ADAMTS17: variants seen among roughly 807,000 people sequenced by gnomAD.
ADAMTS17 encodes A disintegrin and metalloproteinase with thrombospondin motifs 17.
Under a neutral mutation model 141.5 loss-of-function variants are expected in ADAMTS17, and 113 were observed. That is an observed-to-expected ratio of 0.80 (90% CI 0.69 to 0.93). The LOEUF is 0.93. Ranked by LOEUF, ADAMTS17 falls within the 40% of genes least tolerant of loss-of-function variation. ADAMTS17 has a pLI of 0.00. For missense variants in ADAMTS17, 1,659 were observed against 1,517.9 expected (o/e 1.09, Z -1.54); for synonymous variants, 768 against 630.6 (o/e 1.22, Z -3.27).
At chr15:100,087,984 G>A (rs2035216182) in intron 15 of ADAMTS17, among the ~76,000 whole-genome samples, 1 of 152,140 alleles carries the variant, frequency 6.6e-6, no homozygotes, top group Non-Finnish European at 1.5e-5. Context: ...TGAAGTTCTG[G>A]CCAGGGCAGT....
At chr15:100,008,008 T>TG (rs1165785060) in intron 18 of ADAMTS17, among the ~76,000 whole-genome samples, 1 of 152,080 alleles carries the variant, frequency 6.6e-6, no homozygotes, top group Non-Finnish European at 1.5e-5. Flanking sequence ...GGGAAGGGAC[T>TG]GCACCTGTAG....
chr15:100,239,868 A>G (rs1356443379), intron 7 of ADAMTS17, among the ~76,000 whole-genome samples: 1 of 152,028 alleles, frequency 6.6e-6, no homozygotes, highest in East Asian at 1.9e-4. Flanking sequence ...CCCTCTGGGG[A>G]AAGATGTGCG....
chr15:100,112,739 C>G (rs2036864898), intron 13 of ADAMTS17, among the ~76,000 whole-genome samples: 1 of 152,188 alleles, frequency 6.6e-6, no homozygotes, highest in Non-Finnish European at 1.5e-5. Context: ...GGAATTCTGA[C>G]TGAAGCTGCA....
intron 4 of ADAMTS17, among the ~76,000 whole-genome samples, chr15:100,268,439 T>C (rs1422455170): frequency 6.6e-6 from 1 of 152,238 alleles, no homozygotes; most frequent in African/African-American, 2.4e-5. Context: ...CATTTTTCTC[T>C]GCACCTTGCC....
At chr15:100,205,649 C>A (rs1055927162) in intron 7 of ADAMTS17, among the ~76,000 whole-genome samples, 1 of 152,168 alleles carries the variant, frequency 6.6e-6, no homozygotes, top group Non-Finnish European at 1.5e-5. Flanking sequence ...AGGTTCACCT[C>A]AGGACATCAG....
intron 7 of ADAMTS17, among the ~76,000 whole-genome samples, chr15:100,204,178 C>G (rs2041445840): frequency 6.6e-6 from 1 of 152,230 alleles, no homozygotes; most frequent in South Asian, 2.1e-4. Flanking sequence ...CCACTCGACT[C>G]TCTCTAGACT....
chr15:100,251,268 G>A lies in ADAMTS17; in HGVS notation c.1075+2868C>T, dbSNP rs549980846. 4.9e-4 allele frequency among the ~76,000 whole-genome samples: 74 copies of A among 152,280 alleles called. 1 individual carries two copies. Among genetic ancestry groups the A allele is most frequent in the Admixed American group, 1.3e-4 (2 of 15,300 alleles). On this transcript the variant is annotated intron_variant, in intron 7 of 21. Coordinates refer to ENST00000268070, the MANE Select transcript of ADAMTS17 (RefSeq NM_139057.4). ...GACTTTCTTGTTAAGGAAGTGAGAC[G>A]CATGCACCTGGGAGGGGATATGAGG...
Position 99,974,253 on chromosome 15 carries a change from T to C in ADAMTS17, c.*149A>G. The C allele has an allele frequency of 1.0e-6, 1 of 991,218 alleles. No individual in the cohort carries two copies. Among genetic ancestry groups the C allele is most frequent in the South Asian group, 1.4e-5 (1 of 72,178 alleles). 61.4% of individuals were successfully genotyped at this position (991,218 alleles called of 1,614,324 possible). A position where few individuals can be genotyped will look rare whatever the true frequency, so the allele number is the denominator to read the frequency against. On this transcript the variant is annotated 3_prime_UTR_variant, in exon 22 of 22. Coordinates refer to ENST00000268070, the MANE Select transcript of ADAMTS17 (RefSeq NM_139057.4). The stretch of plus-strand genomic sequence containing the variant: ...AACAATATATTAAGTACGGAAGCAC[T>C]AATGGCAAACGCCAAGTCCACGCTC...
intron 20 of ADAMTS17, among the ~76,000 whole-genome samples, chr15:99,989,253 C>T (rs1313922538): frequency 1.3e-5 from 2 of 152,148 alleles, no homozygotes; most frequent in Non-Finnish European, 2.9e-5. Context: ...CACAGGGGTA[C>T]CCCACAAAAA....
At chr15:100,217,486 C>G (rs1056677472) in intron 7 of ADAMTS17, among the ~76,000 whole-genome samples, 2 of 152,130 alleles carry the variant, frequency 1.3e-5, no homozygotes, top group African/African-American at 4.8e-5. Context: ...ATATTCCCAG[C>G]TACTCGGGAG....
chr15:100,333,787 G>A (rs138659822), intron 2 of ADAMTS17, among the ~76,000 whole-genome samples: 175 of 152,328 alleles, frequency 1.1e-3, no homozygotes, highest in African/African-American at 4.1e-3. Flanking sequence ...CATTGATGGC[G>A]ATGAAGAAAC....
intron 8 of ADAMTS17, among the ~76,000 whole-genome samples, chr15:100,159,158 A>G (rs545085807): frequency 6.6e-6 from 1 of 152,354 alleles, no homozygotes; most frequent in African/African-American, 2.4e-5. Context: ...AATCTCCAAG[A>G]GACATCACTC....
At position 99,974,176 on chromosome 15, in the gene ADAMTS17, T is replaced by A. The variant is rs938786827; in HGVS notation, c.*226A>T. The A allele has an allele frequency of 1.7e-6, 1 of 591,326 alleles. No individual in the cohort carries two copies. The highest frequency in any genetic ancestry group is 1.9e-5 in the African/African-American group (1 of 53,572). The allele number at this position is 591,326 out of a possible 1,614,324, so 36.6% of individuals were successfully genotyped here. ...GAAATCCTAGAAATTGAAGTTACTT[T>A]GTGACTCATGCCTACTTTCTCCTCA... On this transcript the variant is annotated 3_prime_UTR_variant, in exon 22 of 22. Coordinates refer to ENST00000268070, the MANE Select transcript of ADAMTS17 (RefSeq NM_139057.4).
chr15:100,188,954 T>C (rs1246883295), intron 8 of ADAMTS17, among the ~76,000 whole-genome samples: 3 of 152,234 alleles, frequency 2.0e-5, no homozygotes, highest in Non-Finnish European at 4.4e-5. Flanking sequence ...AAGTTATATA[T>C]ACCTGCAGCT....
chr15:100,036,842 C>G (rs974345830), intron 18 of ADAMTS17, among the ~76,000 whole-genome samples: 1 of 152,148 alleles, frequency 6.6e-6, no homozygotes, highest in Non-Finnish European at 1.5e-5. Context: ...CACATGTGAC[C>G]TTTTGTGTCT....
intron 18 of ADAMTS17, among the ~76,000 whole-genome samples, chr15:100,001,988 C>CAAAAAAAAAAAAAAA (rs879343287): frequency 2.6e-5 from 1 of 39,124 alleles, no homozygotes; most frequent in Non-Finnish European, 4.3e-5. Context: ...AAAAAAAGGC[C>CAAAAAAAAAAAAAAA]AAACCCAAAA....
chr15:100,198,121 A>G (rs1048730768), intron 8 of ADAMTS17, among the ~76,000 whole-genome samples: 1 of 152,202 alleles, frequency 6.6e-6, no homozygotes, highest in African/African-American at 2.4e-5. Context: ...GTATATACCT[A>G]TGTAACAAAC....
chr15:100,150,875 C>G (rs766170465), intron 10 of ADAMTS17, among the ~76,000 whole-genome samples: 3 of 152,190 alleles, frequency 2.0e-5, no homozygotes, highest in Non-Finnish European at 4.4e-5. Context: ...CACACAATCT[C>G]ATGCTGTCTC....
chr15:100,055,643 C>T (rs1291133754), intron 15 of ADAMTS17, among the ~76,000 whole-genome samples: 4 of 152,150 alleles, frequency 2.6e-5, no homozygotes, highest in Admixed American at 1.3e-4. Flanking sequence ...CACTTGGAGC[C>T]GAATCTGTTT....
Sources: gnomAD v4.1 joint callset for allele counts (sites outside exome capture counted in the v4.1 genomes callset) on GRCh38, gnomAD v4.1.1 for gene constraint, MANE v1.5 for transcripts, NCBI Gene and HGNC (gene_info 2026-07-23, HGNC 2026-07-21) for gene names.